The following CHD1L variants were observed in gnomAD, a reference collection of about 807,000 sequenced individuals.
The protein encoded by CHD1L is chromodomain helicase DNA binding protein 1 like.
A neutral mutation model predicts 115.9 loss-of-function variants in CHD1L; 118 were observed. That is an observed-to-expected ratio of 1.02 (90% CI 0.88 to 1.19). CHD1L has a LOEUF of 1.19. CHD1L is among the 50% of genes most tolerant of loss of function. The pLI is 0.00. For synonymous variants in CHD1L, 411 were observed against 387.1 expected, an observed-to-expected ratio of 1.06 and a Z score of -0.72; for missense variants, 1,179 against 1,065.3, an observed-to-expected ratio of 1.11 and a Z score of -1.49.
the CHD1L span, chr1:147,178,263 C>G: frequency 1.9e-6 from 3 of 1,613,632 alleles, no homozygotes; most frequent in East Asian, 2.2e-5. Context: ...TCATGCTCGT[C>G]GAGTTCTTCG....
intron 1 of CHD1L, among the ~76,000 whole-genome samples, chr1:147,246,799 G>A (rs1666761079): frequency 6.6e-6 from 1 of 151,956 alleles, no homozygotes; most frequent in Non-Finnish European, 1.5e-5. Context: ...TATTTTCTCA[G>A]ATATATGTCT....
rs370660814 is a variant in CHD1L at position 147,295,431 on chromosome 1, A to G, written c.2616A>G (p.Ile872Met). The change falls in exon 23 of 23, where the codon ATA becomes ATG. Residue 872 changes from isoleucine to methionine, a missense_variant and splice_region_variant. Ile to Met is a conservative substitution (Grantham distance 10, BLOSUM62 1). Coordinates refer to ENST00000369258, the MANE Select transcript of CHD1L (RefSeq NM_004284.6). ...HLAARGIPTY[I>M]YYFPRSKSAV... ...TATCTTCCTTGACCATCCTTATCAG[A>G]TATTATTTTCCTAGAAGCAAGTCTG... 28 of 1,602,066 alleles carry G rather than the reference A, an allele frequency of 1.7e-5. No individual in the cohort carries two copies. Among genetic ancestry groups the G allele is most frequent in the Non-Finnish European group, 2.1e-5 (24 of 1,170,080 alleles).
At chr1:147,272,910 A>AAT (rs1317395449) in intron 12 of CHD1L, among the ~76,000 whole-genome samples, 1 of 151,164 alleles carries the variant, frequency 6.6e-6, no homozygotes, top group Non-Finnish European at 1.5e-5. Flanking sequence ...CTGGAAAAAA[A>AAT]AAAAAAAAGG....
the CHD1L span, among the ~76,000 whole-genome samples, chr1:147,199,679 T>C: frequency 6.6e-6 from 1 of 152,222 alleles, no homozygotes; most frequent in African/African-American, 2.4e-5. Context: ...ATCACTTTAA[T>C]ATGACTAGAA....
chr1:147,272,534 TG>T (rs1676643116), intron 12 of CHD1L: 2 of 311,430 alleles, frequency 6.4e-6, no homozygotes, highest in African/African-American at 4.3e-5. Flanking sequence ...ACCATTGACC[TG>T]GGAATGTCCT....
chr1:147,181,768 T>C, the CHD1L span, among the ~76,000 whole-genome samples: 2 of 152,116 alleles, frequency 1.3e-5, no homozygotes, highest in African/African-American at 2.4e-5. Flanking sequence ...ACAAAGTAAT[T>C]GAGAGTGCGT....
At chr1:147,294,364 T>C in intron 21 of CHD1L, 45 bp from the exon 22 acceptor site, 2 of 1,396,732 alleles carry the variant, frequency 1.4e-6, no homozygotes, top group South Asian at 1.3e-5. Flanking sequence ...TACCCATCAA[T>C]CAATTTTTGA....
chr1:147,216,954 A>T, the CHD1L span, among the ~76,000 whole-genome samples: 1 of 152,062 alleles, frequency 6.6e-6, no homozygotes, highest in Non-Finnish European at 1.5e-5. Flanking sequence ...AAAACTTCCT[A>T]TTGAGGCCGG....
the CHD1L span, among the ~76,000 whole-genome samples, chr1:147,212,760 C>T: frequency 6.6e-6 from 1 of 152,146 alleles, no homozygotes; most frequent in Admixed American, 6.5e-5. Flanking sequence ...TTGCTTAACT[C>T]AGGATGTGTT....
At chr1:147,243,084 T>TG (rs1553932223) in intron 1 of CHD1L, 2 of 327,432 alleles carry the variant, frequency 6.1e-6, no homozygotes, top group Admixed American at 1.0e-4. Flanking sequence ...GCCTGGCCCC[T>TG]GGCCTGTGGA....
chr1:147,186,625 CT>C, the CHD1L span: 1 of 1,161,958 alleles, frequency 8.6e-7, no homozygotes, highest in Non-Finnish European at 1.1e-6. Flanking sequence ...AAGAACTCTG[CT>C]AAAGACATAC....
rs139979641 is a variant in CHD1L, at chr1:147,274,937, A to C, written c.1271-417A>C. Among the ~76,000 whole-genome samples, 825 of 152,120 alleles carry C rather than the reference A, an allele frequency of 5.4e-3. 11 individuals carry two copies. Among genetic ancestry groups the C allele is most frequent in the Middle Eastern group, 0.02 (6 of 294 alleles). On this transcript the variant is annotated intron_variant, in intron 12 of 22. Transcript: ENST00000369258. ...TTGTAACTTGCAAGCGACATTCGGCACTCTTCTCTTGACAGTGCGCACTGC... is the reference window on the plus strand; with the variant it reads ...TTGTAACTTGCAAGCGACATTCGGCCCTCTTCTCTTGACAGTGCGCACTGC...
At chr1:147,205,156 T>C in the CHD1L span, among the ~76,000 whole-genome samples, 1 of 152,254 alleles carries the variant, frequency 6.6e-6, no homozygotes, top group African/African-American at 2.4e-5. Flanking sequence ...TCTATTTGTT[T>C]GGCTATCTCC....
chr1:147,268,680 C>T (rs979650620), intron 9 of CHD1L, 102 bp from the exon 10 acceptor site: 6 of 824,222 alleles, frequency 7.3e-6, no homozygotes, highest in Non-Finnish European at 1.2e-5. Context: ...ATGCAAACAA[C>T]TACTTATATG....
chr1:147,233,314 TCCAGGA>T, the CHD1L span, among the ~76,000 whole-genome samples: 1 of 150,030 alleles, frequency 6.7e-6, no homozygotes, highest in Non-Finnish European at 1.5e-5. Flanking sequence ...AGCCACCCCA[TCCAGGA>T]GGGAGGTGGG....
At chr1:147,285,552 C>T (rs2102910227) in intron 17 of CHD1L, 65 bp downstream of exon 17, 2 of 1,450,220 alleles carry the variant, frequency 1.4e-6, no homozygotes, top group South Asian at 1.4e-5. Flanking sequence ...AGTGAGACCA[C>T]AGTTGAATAT....
chr1:147,253,653 T>C (rs1212204078), intron 2 of CHD1L, among the ~76,000 whole-genome samples: 4 of 152,178 alleles, frequency 2.6e-5, no homozygotes, highest in African/African-American at 7.2e-5. Flanking sequence ...CATGCCACCA[T>C]GCACAGCTTA....
the CHD1L span, among the ~76,000 whole-genome samples, chr1:147,193,904 G>T: frequency 6.6e-6 from 1 of 152,028 alleles, no homozygotes. Context: ...TTTTACATTT[G>T]CTGAGGAGTG....
chr1:147,222,303 G>A, the CHD1L span, among the ~76,000 whole-genome samples: 1 of 152,196 alleles, frequency 6.6e-6, no homozygotes, highest in African/African-American at 2.4e-5. Context: ...AGGAGGCAGA[G>A]GTTGCAGTGA....
Sources: allele counts gnomAD v4.1 joint callset (sites outside exome capture counted in the v4.1 genomes callset), GRCh38; gene constraint gnomAD v4.1.1; transcripts MANE v1.5; gene names NCBI Gene and HGNC (gene_info 2026-07-23, HGNC 2026-07-21).